ZFPM2: variants seen among roughly 807,000 people sequenced by gnomAD.
The protein encoded by ZFPM2 is zinc finger protein, FOG family member 2.
A neutral mutation model predicts 98.6 loss-of-function variants in ZFPM2; 20 were observed. The ratio of observed to expected loss-of-function variants is 0.20; its 90% CI spans 0.14 to 0.29. The LOEUF is 0.29. Ranked by LOEUF, ZFPM2 falls within the 10% of genes least tolerant of loss-of-function variation. The probability of loss-of-function intolerance (pLI) is 1.00; values close to 1 mark genes in which losing one functional copy is unlikely to be tolerated. For synonymous variants in ZFPM2, 518 were observed against 502.7 expected, an observed-to-expected ratio of 1.03 and a Z score of -0.41; for missense variants, 1,310 against 1,388.6, an observed-to-expected ratio of 0.94 and a Z score of 0.90.
At chr8:105,668,797 A>C (rs1817533454) in intron 5 of ZFPM2, among the ~76,000 whole-genome samples, 1 of 152,176 alleles carries the variant, frequency 6.6e-6, no homozygotes, top group Admixed American at 6.5e-5. Flanking sequence ...CATTGAGGTG[A>C]GATTACTTTA....
intron 5 of ZFPM2, chr8:105,787,184 C>A (rs1813437691): frequency 6.6e-6 from 1 of 152,208 alleles, no homozygotes; most frequent in Non-Finnish European, 1.5e-5. Context: ...CTCACACTTT[C>A]ATCGCTCCTC....
chr8:105,499,449 A>G (rs1813543238), intron 3 of ZFPM2, among the ~76,000 whole-genome samples: 1 of 152,192 alleles, frequency 6.6e-6, no homozygotes, highest in South Asian at 2.1e-4. Context: ...GGATATTGTA[A>G]TCTAAAACAA....
chr8:105,737,742 G>T (rs1310355097), intron 5 of ZFPM2: 1 of 151,964 alleles, frequency 6.6e-6, no homozygotes, highest in African/African-American at 2.4e-5. Flanking sequence ...TTTTGATTTT[G>T]TTGGGATTCA....
At chr8:105,550,372 T>A (rs1295927055) in intron 3 of ZFPM2, among the ~76,000 whole-genome samples, 4 of 152,138 alleles carry the variant, frequency 2.6e-5, no homozygotes, top group Non-Finnish European at 5.9e-5. Context: ...GTTGTTACAT[T>A]TTTTTGAAAC....
intron 3 of ZFPM2, among the ~76,000 whole-genome samples, chr8:105,497,705 G>T (rs901352709): frequency 6.6e-6 from 1 of 152,104 alleles, no homozygotes; most frequent in Non-Finnish European, 1.5e-5. Flanking sequence ...TGGAGTGAAG[G>T]AACGGATAAG....
At chr8:105,718,309 T>C (rs572467360) in intron 5 of ZFPM2, among the ~76,000 whole-genome samples, 1 of 152,006 alleles carries the variant, frequency 6.6e-6, no homozygotes, top group Non-Finnish European at 1.5e-5. Flanking sequence ...AGGAATATCT[T>C]GGTTAGTTGA....
chr8:105,352,251 T>C (rs930556980), intron 1 of ZFPM2, among the ~76,000 whole-genome samples: 2 of 152,234 alleles, frequency 1.3e-5, no homozygotes, highest in African/African-American at 4.8e-5. Flanking sequence ...ACATTTTAAC[T>C]TTGAAACCAT....
chr8:105,382,034 A>C (rs1283601171), intron 1 of ZFPM2, among the ~76,000 whole-genome samples: 2 of 152,148 alleles, frequency 1.3e-5, no homozygotes, highest in Non-Finnish European at 2.9e-5. Flanking sequence ...AATATATTCA[A>C]GATTCAAAAT....
intron 4 of ZFPM2, among the ~76,000 whole-genome samples, chr8:105,581,591 C>A (rs1204427186): frequency 6.6e-6 from 1 of 152,044 alleles, no homozygotes; most frequent in Non-Finnish European, 1.5e-5. Flanking sequence ...ATAGAAATAA[C>A]CAAAATGGAT....
intron 5 of ZFPM2, among the ~76,000 whole-genome samples, chr8:105,666,317 A>G (rs1817487468): frequency 6.6e-6 from 1 of 152,206 alleles, no homozygotes; most frequent in Non-Finnish European, 1.5e-5. Context: ...CCAAATAGCA[A>G]TTCAGTGTCT....
At chr8:105,458,202 T>C (rs1229022179) in intron 3 of ZFPM2, among the ~76,000 whole-genome samples, 2 of 152,166 alleles carry the variant, frequency 1.3e-5, no homozygotes, top group East Asian at 3.9e-4. Flanking sequence ...TAAAAGAAGA[T>C]TGCAAAGTGT....
intron 5 of ZFPM2, among the ~76,000 whole-genome samples, chr8:105,712,923 G>A (rs907973828): frequency 9.2e-5 from 14 of 151,950 alleles, no homozygotes; most frequent in Admixed American, 2.6e-4. Context: ...GTTCTGTGGC[G>A]TATATTCACC....
chr8:105,455,844 T>C (rs62525440), intron 3 of ZFPM2, among the ~76,000 whole-genome samples: 12,973 of 152,232 alleles, frequency 0.085, 673 homozygotes, highest in South Asian at 0.15. Flanking sequence ...TTTTATTTAT[T>C]TGAGATATCC....
intron 5 of ZFPM2, among the ~76,000 whole-genome samples, chr8:105,658,134 T>G (rs1817319686): frequency 6.6e-6 from 1 of 152,180 alleles, no homozygotes; most frequent in Admixed American, 6.5e-5. Context: ...AAAGCAGTTT[T>G]TATTGAAAGA....
In ZFPM2 at chr8:105,802,820, TAATAA is replaced by T; in HGVS notation, c.2742_2746del (p.Ile914MetfsTer2). 1 of 1,613,600 alleles carries T rather than the reference TAATAA, an allele frequency of 6.2e-7. No individual in the cohort carries two copies. The highest frequency in any genetic ancestry group is 8.5e-7 in the Non-Finnish European group (1 of 1,179,802). On this transcript the variant is annotated frameshift_variant, in exon 8 of 8. Coordinates refer to ENST00000407775, the MANE Select transcript of ZFPM2 (RefSeq NM_012082.4). LOFTEE classifies it high-confidence loss of function. ...CCTGATGTCAGCTACGAAAGAAGCA[TAATAA>T]AATGTGAGAAAAATGGGAATTTGAA...
intron 4 of ZFPM2, among the ~76,000 whole-genome samples, chr8:105,567,094 T>C (rs969419614): frequency 2.3e-4 from 35 of 152,302 alleles, no homozygotes; most frequent in African/African-American, 8.4e-4. Context: ...AATTATTAAT[T>C]GCCTCCATTT....
rs1421332429 is a variant in ZFPM2, at chr8:105,533,876, C to T, written c.302-27487C>T. On this transcript the variant is annotated intron_variant, in intron 3 of 7. Transcript: ENST00000407775. ...TCCTTCCTCCCTTTCTCCCTCCCTC[C>T]CTTCTTTCCTTCCTTCCTTTCTTCC... is the stretch of plus-strand genomic sequence containing the variant. Among the ~76,000 whole-genome samples, 28 of 14,014 alleles carry T rather than the reference C, an allele frequency of 2.0e-3. 3 individuals are homozygous for T. In the African/African-American group the frequency reaches 0.026, roughly 13 times the overall value. 9.2% of individuals were successfully genotyped at this position (14,014 alleles called of 152,430 possible).
intron 4 of ZFPM2, among the ~76,000 whole-genome samples, chr8:105,600,442 A>G (rs1319377463): frequency 2.0e-5 from 3 of 152,124 alleles, no homozygotes; most frequent in Non-Finnish European, 4.4e-5. Context: ...AAGTCCTACT[A>G]AGAAAAGAGG....
At chr8:105,375,090 T>A (rs964632478) in intron 1 of ZFPM2, among the ~76,000 whole-genome samples, 1 of 152,208 alleles carries the variant, frequency 6.6e-6, no homozygotes, top group Non-Finnish European at 1.5e-5. Context: ...AATTTGTGAC[T>A]ATTATTTGAT....
Sources: gnomAD v4.1 joint callset for allele counts (sites outside exome capture counted in the v4.1 genomes callset) on GRCh38, gnomAD v4.1.1 for gene constraint, MANE v1.5 for transcripts, NCBI Gene and HGNC (gene_info 2026-07-23, HGNC 2026-07-21) for gene names.